The following TRRAP variants were observed in gnomAD, a reference collection of about 807,000 sequenced individuals.
TRRAP encodes the protein transformation/transcription domain associated protein, also known as transformation/transcription domain-associated protein.
TRRAP carries 41 observed loss-of-function variants against 438.8 expected under a neutral mutation model. The observed-to-expected ratio is 0.09, with a 90% CI of 0.07 to 0.12. TRRAP has a LOEUF of 0.12. Ranked by LOEUF, TRRAP falls within the 10% of genes least tolerant of loss-of-function variation. The pLI is 1.00. For missense variants in TRRAP, 3,122 were observed against 5,055.1 expected, an observed-to-expected ratio of 0.62 and a Z score of 11.60; for synonymous variants, 1,994 against 1,962.9, an observed-to-expected ratio of 1.02 and a Z score of -0.42.
chr7:98,903,598 G>A, intron 12 of TRRAP, 81 bp downstream of exon 12: 3 of 1,571,914 alleles, frequency 1.9e-6, no homozygotes, highest in Admixed American at 1.8e-5. Context: ...TTCCATAGTT[G>A]TGCTGTGAGG....
intron 56 of TRRAP, among the ~76,000 whole-genome samples, chr7:98,977,434 C>T (rs145847868): frequency 0.027 from 4,168 of 152,316 alleles, 83 homozygotes; most frequent in South Asian, 0.055. Flanking sequence ...GCTAGGATTA[C>T]AGGTATGAGC....
At chr7:98,981,583 G>C (rs1219782920) in intron 58 of TRRAP, among the ~76,000 whole-genome samples, 186 bp from the exon 59 acceptor site, 2 of 152,206 alleles carry the variant, frequency 1.3e-5, no homozygotes, top group Non-Finnish European at 1.5e-5. Flanking sequence ...TTTAGAAAAG[G>C]AGAGTATCCA....
intron 10 of TRRAP, among the ~76,000 whole-genome samples, 156 bp downstream of exon 10, chr7:98,899,923 A>C (rs185440879): frequency 6.6e-6 from 1 of 152,322 alleles, no homozygotes; most frequent in Non-Finnish European, 1.5e-5. Context: ...CAGGGATGAC[A>C]GTTGTAGCTA....
rs560766520 is a variant in TRRAP, at chr7:99,012,114, C to T, written c.11381C>T (p.Ala3794Val). The change falls in exon 73 of 73, where the codon GCT becomes GTT. Residue 3794 changes from alanine (A) to valine (V), a missense_variant. Ala to Val is a moderately conservative substitution (Grantham distance 64). This residue lies in a region of TRRAP where 192 missense variants were observed against 355.6 expected (regional missense o/e 0.54). Coordinates refer to ENST00000456197, the MANE Select transcript of TRRAP (RefSeq NM_001375524.1). The surrounding 1 kb of genome is among the most constrained non-coding windows in gnomAD (Gnocchi z 5.9). ...LKTVLRDEII[A>V]WHKKTQEDTS... is the part of the protein sequence containing the mutation. ...ACGGTTCTCCGGGACGAGATCATTG[C>T]TTGGCACAAAAAAACACAAGAGGAC... The T allele has an allele frequency of 2.5e-6, 4 of 1,614,200 alleles. No homozygotes were observed. The East Asian group carries it at 6.7e-5, about 27-fold the overall frequency.
Position 98,993,590 on chromosome 7 carries a change from A to G in TRRAP, c.9900A>G (p.Ser3300=). The G allele has an allele frequency of 6.2e-7, 1 of 1,614,028 alleles. No homozygotes were observed. Among genetic ancestry groups the G allele is most frequent in the Middle Eastern group, 1.6e-4 (1 of 6,062 alleles). The part of the protein sequence containing the change: ...SSVGNQSHSA[S]DPGPIRATAP... ...TGGGTAACCAGTCCCATTCTGCATC[A>G]GATCCAGGGCCCATAAGAGCAACAG... The change falls in exon 66 of 73, where the codon TCA becomes TCG. Residue 3300 remains serine (S), a synonymous_variant. Transcript: ENST00000456197.
At chr7:98,927,040 G>C in intron 22 of TRRAP, 127 bp from the exon 23 acceptor site, 1 of 1,061,250 alleles carries the variant, frequency 9.4e-7, no homozygotes, top group Non-Finnish European at 1.4e-6. Context: ...AATTAAAGCA[G>C]ATAAATTACC....
At chr7:98,903,874 A>C (rs1796584446) in intron 12 of TRRAP, among the ~76,000 whole-genome samples, 1 of 151,910 alleles carries the variant, frequency 6.6e-6, no homozygotes, top group Non-Finnish European at 1.5e-5. Flanking sequence ...TGTGCAGGGA[A>C]ACTCCCCTTT....
intron 68 of TRRAP, among the ~76,000 whole-genome samples, 175 bp from the exon 69 acceptor site, chr7:99,004,956 T>C (rs1456070029): frequency 3.3e-5 from 5 of 152,154 alleles, no homozygotes; most frequent in Admixed American, 1.3e-4. Context: ...ATTGAAAATA[T>C]TGTGACTCAT....
intron 65 of TRRAP, 32 bp from the exon 66 acceptor site, chr7:98,993,506 G>C: frequency 6.2e-7 from 1 of 1,601,852 alleles, no homozygotes; most frequent in Non-Finnish European, 8.5e-7. Flanking sequence ...TCGGTTTTGC[G>C]CTGACACTGG....
At chr7:98,972,104 G>A (rs992099651) in intron 53 of TRRAP, among the ~76,000 whole-genome samples, 159 bp downstream of exon 53, 4 of 152,114 alleles carry the variant, frequency 2.6e-5, no homozygotes, top group Non-Finnish European at 4.4e-5. Flanking sequence ...GTCTAGTGGC[G>A]CAGTCGCACC....
Position 98,950,886 on chromosome 7 carries a change from A to T in TRRAP, c.5345A>T (p.His1782Leu). Residue 1782 changes from histidine (H) to leucine (L), a missense_variant, in exon 39 of 73, where the codon CAT becomes CTT. Coordinates refer to ENST00000456197, the MANE Select transcript of TRRAP (RefSeq NM_001375524.1). The stretch of plus-strand genomic sequence containing the variant: ...AAATTTTTTTTGTAGGTTCTGCAGC[A>T]TATCTTGAATCCTGCTTTCTTGTAC... ...GDELKAKVLQ[H>L]ILNPAFLYSF... 2 of 1,564,348 alleles carry T rather than the reference A, an allele frequency of 1.3e-6. No individual in the cohort carries two copies. Among genetic ancestry groups the T allele is most frequent in the Non-Finnish European group, 1.7e-6 (2 of 1,161,524 alleles).
chr7:98,895,504 G>A (rs564964391), intron 6 of TRRAP, among the ~76,000 whole-genome samples: 1 of 152,212 alleles, frequency 6.6e-6, no homozygotes, highest in African/African-American at 2.4e-5. Flanking sequence ...TTTTGTGAAA[G>A]GCAAAAACTG....
intron 12 of TRRAP, among the ~76,000 whole-genome samples, chr7:98,904,483 CAAAAAAA>C (rs59353514): frequency 9.7e-4 from 44 of 45,574 alleles, no homozygotes; most frequent in South Asian, 1.5e-3. Flanking sequence ...GACTCTGTCT[CAAAAAAA>C]AAAAAAAAAA....
chr7:98,915,297 A>G (rs541308604), intron 18 of TRRAP, among the ~76,000 whole-genome samples: 1 of 152,024 alleles, frequency 6.6e-6, no homozygotes, highest in Non-Finnish European at 1.5e-5. Context: ...GGCTCAAGCA[A>G]TTCTCTTGCC....
chr7:98,898,014 C>A, intron 8 of TRRAP, 148 bp downstream of exon 8: 1 of 1,322,854 alleles, frequency 7.6e-7, no homozygotes, highest in Non-Finnish European at 1.0e-6. Flanking sequence ...TTCTCTGCAG[C>A]CTGGGAGGGG....
chr7:98,998,290 A>C (rs1042723815), intron 67 of TRRAP, among the ~76,000 whole-genome samples: 2 of 152,190 alleles, frequency 1.3e-5, no homozygotes, highest in African/African-American at 4.8e-5. Flanking sequence ...TGAGCACATT[A>C]TAATATTTAA....
intron 67 of TRRAP, among the ~76,000 whole-genome samples, chr7:99,002,780 T>G (rs1249038734): frequency 6.6e-6 from 1 of 152,196 alleles, no homozygotes; most frequent in Non-Finnish European, 1.5e-5. Context: ...ATGACATTTG[T>G]GGACAGCCAA....
intron 40 of TRRAP, 68 bp downstream of exon 40, chr7:98,953,501 G>T: frequency 6.3e-7 from 1 of 1,578,724 alleles, no homozygotes; most frequent in South Asian, 1.1e-5. Context: ...TGGCTCCCTG[G>T]TGCAGTCTCA....
chr7:99,005,107 C>T lies in TRRAP; in HGVS notation c.10536-24C>T. The stretch of plus-strand genomic sequence containing the variant: ...CTGGTAGCAGAGATGCAGGGCATGT[C>T]CTCATGGCTTCTCGCTCTGGCAGGT... On this transcript the variant is annotated intron_variant, in intron 68 of 72. Transcript: ENST00000456197. This position sits in a 1 kb window ranked among gnomAD's most constrained non-coding sequence, Gnocchi z 5.1. 6.2e-7 allele frequency: 1 copy of T among 1,610,630 alleles called. No homozygotes were observed.
Sources: gnomAD v4.1 joint callset for allele counts (sites outside exome capture counted in the v4.1 genomes callset) on GRCh38, gnomAD v4.1.1 for gene constraint, gnomAD v4.1.1 regional missense constraint, Gnocchi (gnomAD v3.1) non-coding constraint, MANE v1.5 for transcripts, NCBI Gene and HGNC (gene_info 2026-07-23, HGNC 2026-07-21) for gene names.